PDE11A: variants seen among roughly 807,000 people sequenced by gnomAD.
PDE11A encodes the protein dual 3',5'-cyclic-AMP and -GMP phosphodiesterase 11A.
In PDE11A, 100 loss-of-function variants were observed where a neutral mutation model predicts 100.5. The observed-to-expected ratio is 1.00, with a 90% CI of 0.85 to 1.18. The LOEUF is 1.18. Ranked by LOEUF, PDE11A falls within the 50% of genes most tolerant of loss-of-function variation. The pLI is 0.00. For synonymous variants in PDE11A, 381 were observed against 420.8 expected (o/e 0.91, Z 1.16); for missense variants, 1,141 against 1,152.6 (o/e 0.99, Z 0.15).
At position 177,985,814 on chromosome 2, in the gene PDE11A, C is replaced by T. The variant is rs543298577; in HGVS notation, c.1071+28488G>A. ...GGGATTGCAAGAGTTTTATAAATTG[C>T]TATGTGAAGAGCAGAACAATGCGCA... On this transcript the variant is annotated intron_variant, in intron 2 of 19. Coordinates refer to ENST00000286063, the MANE Select transcript of PDE11A (RefSeq NM_016953.4). Among the ~76,000 whole-genome samples the T allele has an allele frequency of 9.8e-5, 15 of 152,294 alleles. No homozygotes were observed. In the South Asian group the frequency reaches 3.1e-3, roughly 32 times the overall value.
intron 2 of PDE11A, among the ~76,000 whole-genome samples, chr2:177,921,325 G>A (rs1559007507): frequency 6.6e-6 from 1 of 151,322 alleles, no homozygotes; most frequent in Non-Finnish European, 1.5e-5. Context: ...TGATACAAAT[G>A]AGCTTTATAT....
At chr2:177,765,234 G>T (rs1166216584) in intron 10 of PDE11A, among the ~76,000 whole-genome samples, 1 of 152,142 alleles carries the variant, frequency 6.6e-6, no homozygotes, top group East Asian at 1.9e-4. Context: ...AAACATAAAG[G>T]AGTATGAAAC....
chr2:177,785,303 G>GA (rs35520979), intron 9 of PDE11A, among the ~76,000 whole-genome samples: 5,161 of 151,824 alleles, frequency 0.034, 275 homozygotes, highest in African/African-American at 0.11. Flanking sequence ...GAGAGAACCA[G>GA]AAAAAAAACT....
chr2:177,714,584 G>A (rs767087060), intron 12 of PDE11A, among the ~76,000 whole-genome samples: 2 of 152,146 alleles, frequency 1.3e-5, no homozygotes, highest in Admixed American at 6.5e-5. Flanking sequence ...CTTGAACACT[G>A]GCGACGTCTA....
At chr2:177,836,047 A>G (rs148764865) in intron 6 of PDE11A, among the ~76,000 whole-genome samples, 86 of 152,310 alleles carry the variant, frequency 5.6e-4, no homozygotes, top group African/African-American at 2.0e-3. Flanking sequence ...CCAACAGCTG[A>G]TGAGTGTGGG....
At chr2:177,674,206 T>C (rs945141709) in intron 17 of PDE11A, among the ~76,000 whole-genome samples, 2 of 152,214 alleles carry the variant, frequency 1.3e-5, no homozygotes, top group Admixed American at 1.3e-4. Context: ...TGCTTATCCT[T>C]TCTAAGCCTC....
At position 177,701,063 on chromosome 2, in the gene PDE11A, G is replaced by A. The variant is rs117712357; in HGVS notation, c.2244+58C>T. 3.8e-3 allele frequency: 3,523 copies of A among 937,700 alleles called. 141 individuals carry two copies. In the East Asian group the frequency reaches 0.077, roughly 21 times the overall value. 58.1% of individuals were successfully genotyped at this position (937,700 alleles called of 1,614,324 possible). A position where few individuals can be genotyped will look rare whatever the true frequency, so the allele number is the denominator to read the frequency against. On this transcript the variant is annotated intron_variant, in intron 14 of 19. Transcript: ENST00000286063. Reference sequence around the variant, plus strand: ...TGGCACCACAAAGGAAGAGAGGGAGGAAACAAAGAGTTGTTTTGGTTTCTG... The same window carrying A: ...TGGCACCACAAAGGAAGAGAGGGAGAAAACAAAGAGTTGTTTTGGTTTCTG...
At chr2:177,706,867 A>C (rs1407664083) in intron 13 of PDE11A, among the ~76,000 whole-genome samples, 1 of 149,674 alleles carries the variant, frequency 6.7e-6, no homozygotes, top group Non-Finnish European at 1.5e-5. Context: ...TTATACAAGC[A>C]ACCTGAGATT....
At chr2:177,667,397 G>A (rs1380068421) in intron 18 of PDE11A, among the ~76,000 whole-genome samples, 1 of 152,132 alleles carries the variant, frequency 6.6e-6, no homozygotes, top group Non-Finnish European at 1.5e-5. Context: ...ACATTTAGGT[G>A]TATGATCCAT....
chr2:177,776,255 G>T (rs2082375878), intron 9 of PDE11A, among the ~76,000 whole-genome samples: 1 of 152,058 alleles, frequency 6.6e-6, no homozygotes, highest in Non-Finnish European at 1.5e-5. Context: ...TGTGTCATAT[G>T]CATACTTAAA....
At chr2:177,706,210 T>G (rs1025446358) in intron 13 of PDE11A, among the ~76,000 whole-genome samples, 5 of 152,242 alleles carry the variant, frequency 3.3e-5, no homozygotes, top group Admixed American at 6.5e-5. Flanking sequence ...CATTTTGCAT[T>G]TTATATAGTA....
At chr2:177,932,676 G>C (rs1159135912) in intron 2 of PDE11A, among the ~76,000 whole-genome samples, 1 of 151,958 alleles carries the variant, frequency 6.6e-6, no homozygotes, top group Non-Finnish European at 1.5e-5. Flanking sequence ...AAAATAATAA[G>C]AGCCATCTAT....
chr2:178,107,716 T>A (rs1242374503), intron 1 of PDE11A, among the ~76,000 whole-genome samples: 1 of 149,048 alleles, frequency 6.7e-6, no homozygotes, highest in Non-Finnish European at 1.5e-5. Context: ...AATTCCTTTT[T>A]TTTTCTTTTT....
intron 19 of PDE11A, among the ~76,000 whole-genome samples, chr2:177,662,923 T>C (rs886272979): frequency 1.3e-5 from 2 of 152,174 alleles, no homozygotes; most frequent in African/African-American, 4.8e-5. Flanking sequence ...TTGAACTTGA[T>C]GGTTGTGAGG....
chr2:178,038,844 T>G (rs1001837487), intron 1 of PDE11A: 1 of 152,150 alleles, frequency 6.6e-6, no homozygotes, highest in Non-Finnish European at 1.5e-5. Context: ...ATATTCACTG[T>G]AAAGAGGAAG....
upstream of PDE11A, chr2:178,073,092 C>CGGGAGCCCAGT: frequency 1.0e-6 from 1 of 985,148 alleles, no homozygotes; most frequent in Non-Finnish European, 1.2e-6. Flanking sequence ...GGAGGCCCAG[C>CGGGAGCCCAGT]GGGAGCCCAG....
At chr2:178,041,136 C>T (rs981939060) in intron 1 of PDE11A, among the ~76,000 whole-genome samples, 9 of 151,938 alleles carry the variant, frequency 5.9e-5, no homozygotes, top group Admixed American at 2.0e-4. Context: ...TACGAGGTCT[C>T]GCTATGCTGC....
At chr2:177,921,505 T>C (rs2085046127) in intron 2 of PDE11A, among the ~76,000 whole-genome samples, 1 of 151,800 alleles carries the variant, frequency 6.6e-6, no homozygotes, top group South Asian at 2.1e-4. Context: ...ATGTTTATCA[T>C]GGCATATGCT....
chr2:177,669,343 A>T (rs2080637873), intron 18 of PDE11A, 150 bp downstream of exon 18: 1 of 604,036 alleles, frequency 1.7e-6, no homozygotes, highest in African/African-American at 1.8e-5. Flanking sequence ...AAGAGTGTTT[A>T]GCATTTGAGT....
Sources: allele counts gnomAD v4.1 joint callset (sites outside exome capture counted in the v4.1 genomes callset), GRCh38; gene constraint gnomAD v4.1.1; transcripts MANE v1.5; gene names NCBI Gene and HGNC (gene_info 2026-07-23, HGNC 2026-07-21).